Variants in LSM1 observed in about 807,000 individuals in gnomAD.
LSM1 encodes the protein U6 snRNA-associated Sm-like protein LSm1.
LSM1 carries 13 observed loss-of-function variants against 18.0 expected under a neutral mutation model. That is an observed-to-expected ratio of 0.72 (90% CI 0.47 to 1.15). The LOEUF (loss-of-function observed/expected upper bound fraction) is 1.15. LSM1 is among the 50% of genes most tolerant of loss of function. The probability of loss-of-function intolerance (pLI) is 0.00; values close to 1 mark genes in which losing one functional copy is unlikely to be tolerated. For synonymous variants in LSM1, 46 were observed against 56.0 expected, an observed-to-expected ratio of 0.82 and a Z score of 0.80; for missense variants, 152 against 157.7, an observed-to-expected ratio of 0.96 and a Z score of 0.19.
At chr8:38,170,108 C>T (rs1802999352) in intron 2 of LSM1, among the ~76,000 whole-genome samples, 191 bp from the exon 3 acceptor site, 2 of 152,318 alleles carry the variant, frequency 1.3e-5, no homozygotes, top group South Asian at 4.1e-4. Context: ...GTGGCGCCAT[C>T]TCAGCTCACT....
At chr8:38,170,052 T>G in intron 2 of LSM1, 135 bp from the exon 3 acceptor site, 1 of 527,098 alleles carries the variant, frequency 1.9e-6, no homozygotes, top group South Asian at 2.8e-5. Flanking sequence ...TTTATTTATT[T>G]ATTTTTTGAG....
At chr8:38,175,868 A>G in intron 1 of LSM1, 1 of 163,324 alleles carries the variant, frequency 6.1e-6, no homozygotes, top group Non-Finnish European at 1.3e-5. Context: ...TCGCTTTTTA[A>G]TGAATCCTCT....
At chr8:38,165,634 T>C (rs1563273698) in intron 3 of LSM1, among the ~76,000 whole-genome samples, 1 of 151,006 alleles carries the variant, frequency 6.6e-6, no homozygotes, top group African/African-American at 2.4e-5. Flanking sequence ...GAGGCAGAGG[T>C]TGCAGTGAGC....
chr8:38,167,248 A>G (rs2130640146), intron 3 of LSM1, among the ~76,000 whole-genome samples: 1 of 152,382 alleles, frequency 6.6e-6, no homozygotes, highest in African/African-American at 2.4e-5. Flanking sequence ...CTTTCTCTGC[A>G]CAAACACACA....
At position 38,176,299 on chromosome 8, in the gene LSM1, C is replaced by A; in HGVS notation, c.22G>T (p.Ala8Ser). The A allele has an allele frequency of 6.2e-7, 1 of 1,613,258 alleles. No homozygotes were observed. The highest frequency in any genetic ancestry group is 1.1e-5 in the South Asian group (1 of 90,828). MNYMPGT[A>S]SLIEDIDKKH... ...CTGTCAATGTCCTCGATGAGGCTGG[C>A]GGTGCCAGGCATATAGTTCATTTTG... The change falls in exon 1 of 4, where the codon GCC (alanine) becomes TCC (serine). Residue 8 changes from alanine (A) to serine (S), a missense_variant. Physicochemically the swap from Ala to Ser is moderately conservative, Grantham distance 99 (BLOSUM62 1). Transcript: ENST00000311351.
chr8:38,164,587 T>G (rs1802898288), intron 3 of LSM1, among the ~76,000 whole-genome samples: 1 of 151,232 alleles, frequency 6.6e-6, no homozygotes, highest in South Asian at 2.1e-4. Flanking sequence ...TTTGGGAGGC[T>G]GAGGTGGGAG....
intron 3 of LSM1, among the ~76,000 whole-genome samples, chr8:38,167,619 G>C (rs1323516315): frequency 6.6e-6 from 1 of 152,158 alleles, no homozygotes; most frequent in East Asian, 1.9e-4. Flanking sequence ...GATTACAGAC[G>C]TGAGCCACTG....
At chr8:38,176,527 C>T (rs1007498970), upstream of LSM1, 6 of 579,868 alleles carry the variant, frequency 1.0e-5, no homozygotes, top group Middle Eastern at 4.3e-4. Context: ...CGTGTGGGCC[C>T]CCAGGAAGAG....
rs539346143 is a variant in LSM1 at position 38,169,714 on chromosome 8, T to C, written c.231+88A>G. 62 of 730,960 alleles carry C rather than the reference T, an allele frequency of 8.5e-5. 1 individual carries two copies. In the South Asian group the frequency reaches 1.2e-3, roughly 14 times the overall value. The allele number at this position is 730,960 out of a possible 1,614,324, so 45.3% of individuals were successfully genotyped here. Reference sequence around the variant, plus strand: ...GGAGAAGCCAGATAAATGTGGAGAATATTTTTATTCTCTTTTGAAAAGACA... The same window carrying C: ...GGAGAAGCCAGATAAATGTGGAGAACATTTTTATTCTCTTTTGAAAAGACA... On this transcript the variant is annotated intron_variant, in intron 3 of 3. Transcript: ENST00000311351.
intron 3 of LSM1, among the ~76,000 whole-genome samples, chr8:38,167,629 G>A (rs1802956971): frequency 1.3e-5 from 2 of 152,104 alleles, no homozygotes; most frequent in Non-Finnish European, 2.9e-5. Context: ...GTGAGCCACT[G>A]CACCCACCCC....
Position 38,176,309 on chromosome 8 carries a change from C to T in LSM1, c.12G>A (p.Met4Ile). 1.2e-6 allele frequency: 2 copies of T among 1,613,146 alleles called. No homozygotes were observed. The highest frequency in any genetic ancestry group is 1.7e-6 in the Non-Finnish European group (2 of 1,179,650). MNY[M>I]PGTASLIEDI... ...CCTCGATGAGGCTGGCGGTGCCAGG[C>T]ATATAGTTCATTTTGAACTGAAATA... The change falls in exon 1 of 4, where the codon ATG becomes ATA. Residue 4 changes from methionine to isoleucine, a missense_variant. Coordinates refer to ENST00000311351, the MANE Select transcript of LSM1 (RefSeq NM_014462.3).
chr8:38,168,784 A>G (rs995884635), intron 3 of LSM1, among the ~76,000 whole-genome samples: 1 of 152,066 alleles, frequency 6.6e-6, no homozygotes, highest in African/African-American at 2.4e-5. Flanking sequence ...TCATATATTC[A>G]TATATTTCAT....
intron 2 of LSM1, among the ~76,000 whole-genome samples, chr8:38,170,288 C>T (rs535562998): frequency 3.1e-4 from 47 of 152,284 alleles, no homozygotes; most frequent in African/African-American, 1.1e-3. Context: ...CCGCCCACCT[C>T]GGCCTTCCAA....
At position 38,171,994 on chromosome 8, in the gene LSM1, A is replaced by G. The variant is rs201992884; in HGVS notation, c.86T>C (p.Ile29Thr). The G allele has an allele frequency of 6.0e-5, 97 of 1,612,450 alleles. No homozygotes were observed. The highest frequency in any genetic ancestry group is 1.2e-4 in the South Asian group (11 of 90,864). ...TTGATCAATGCTTCTTAAAAAGCCT[A>G]TAAGTGTCCTTCCATCTCGAAGCAG... ...LVLLRDGRTL[I>T]GFLRSIDQFA... is the part of the protein sequence containing the mutation. Residue 29 changes from isoleucine (I) to threonine (T), a missense_variant, in exon 2 of 4, where the codon ATA (isoleucine) becomes ACA (threonine). Ile to Thr is a moderately conservative substitution (Grantham distance 89, BLOSUM62 -1). Coordinates refer to ENST00000311351, the MANE Select transcript of LSM1 (RefSeq NM_014462.3).
chr8:38,176,340 G>C lies in LSM1; in HGVS notation c.-20C>G. ...GTTCATTTTGAACTGAAATAATGCT[G>C]CAATGCACAGCGGCGGGAGGCCAGC... On this transcript the variant is annotated 5_prime_UTR_variant, in exon 1 of 4. Transcript: ENST00000311351. 6.2e-7 allele frequency: 1 copy of C among 1,605,178 alleles called. No homozygotes were observed. Among genetic ancestry groups the C allele is most frequent in the Non-Finnish European group, 8.5e-7 (1 of 1,174,604 alleles).
At chr8:38,174,999 C>T (rs1803097819) in intron 1 of LSM1, among the ~76,000 whole-genome samples, 2 of 137,430 alleles carry the variant, frequency 1.5e-5, no homozygotes, top group East Asian at 4.4e-4. Flanking sequence ...ACACTACAGC[C>T]TGGGCGACAG....
upstream of LSM1, chr8:38,176,526 C>G: frequency 1.7e-6 from 1 of 579,860 alleles, no homozygotes; most frequent in South Asian, 2.3e-5. Context: ...ACGTGTGGGC[C>G]CCCAGGAAGA....
At chr8:38,175,532 A>G (rs1204329710) in intron 1 of LSM1, among the ~76,000 whole-genome samples, 1 of 152,224 alleles carries the variant, frequency 6.6e-6, no homozygotes, top group Non-Finnish European at 1.5e-5. Flanking sequence ...TAATGCACAG[A>G]CGGAATTTAG....
intron 1 of LSM1, 156 bp downstream of exon 1, chr8:38,176,119 C>G: frequency 1.7e-6 from 1 of 603,516 alleles, no homozygotes; most frequent in East Asian, 2.9e-5. Context: ...CGGTGTGTAC[C>G]GCAGCTGTGG....
Sources: gnomAD v4.1 joint callset for allele counts (sites outside exome capture counted in the v4.1 genomes callset) on GRCh38, gnomAD v4.1.1 for gene constraint, MANE v1.5 for transcripts, NCBI Gene and HGNC (gene_info 2026-07-23, HGNC 2026-07-21) for gene names.